HNRNPF: variants seen among roughly 807,000 people sequenced by gnomAD.
HNRNPF encodes HnRNP F protein.
A neutral mutation model predicts 26.0 loss-of-function variants in HNRNPF; 2 were observed. That is an observed-to-expected ratio of 0.08 (90% confidence interval 0.03 to 0.24). HNRNPF has a LOEUF of 0.24. Among genes scored for constraint, HNRNPF ranks in the 10% least tolerant of loss-of-function variants. The probability of loss-of-function intolerance (pLI) is 1.00; values close to 1 mark genes in which losing one functional copy is unlikely to be tolerated. For missense variants in HNRNPF, 299 were observed against 539.2 expected (o/e 0.55, Z 4.41); for synonymous variants, 234 against 211.5 (o/e 1.11, Z -0.92).
At position 43,388,829 on chromosome 10, in the gene HNRNPF, G is replaced by C. The variant is rs79352393; in HGVS notation, c.-52-893C>G. Among the ~76,000 whole-genome samples the C allele has an allele frequency of 4.1e-3, 626 of 152,268 alleles. 3 individuals carry two copies. Among genetic ancestry groups the C allele is most frequent in the African/African-American group, 6.2e-3 (257 of 41,544 alleles). On this transcript the variant is annotated intron_variant, in intron 3 of 3. Transcript: ENST00000682386. ...TGGAAGGCAGTCTTCTGAGAAAGAGGAGCAGCTGACCTAGACAGCAGGGTC... is the reference window on the plus strand; with the variant it reads ...TGGAAGGCAGTCTTCTGAGAAAGAGCAGCAGCTGACCTAGACAGCAGGGTC...
At chr10:43,396,908 G>C (rs1838555595) in intron 1 of HNRNPF, 1 of 148,176 alleles carries the variant, frequency 6.7e-6, no homozygotes, top group Non-Finnish European at 1.5e-5. Context: ...GGGGAGGGGA[G>C]GGGAGGGGAG....
chr10:43,406,600 G>C (rs1838926032), intron 1 of HNRNPF, among the ~76,000 whole-genome samples: 1 of 152,182 alleles, frequency 6.6e-6, no homozygotes, highest in Non-Finnish European at 1.5e-5. Context: ...CGGCTGAGGT[G>C]GGAGGATCCG....
intron 1 of HNRNPF, among the ~76,000 whole-genome samples, chr10:43,401,650 C>T (rs767437145): frequency 1.7e-4 from 26 of 152,164 alleles, no homozygotes; most frequent in Non-Finnish European, 3.7e-4. Flanking sequence ...AACAAAAATA[C>T]AATTGATAGG....
Position 43,386,459 on chromosome 10 carries a change from C to T in HNRNPF, c.*178G>A. On this transcript the variant is annotated 3_prime_UTR_variant, in exon 4 of 4. Coordinates refer to ENST00000682386, the MANE Select transcript of HNRNPF (RefSeq NM_001098204.2). ...AAAATAGTTTTAGTTTACTCATTAT[C>T]ACATGCTAGAAGAAAATTTTGCATG... is the stretch of plus-strand genomic sequence containing the variant. 1.7e-6 allele frequency: 1 copy of T among 589,798 alleles called. No individual in the cohort carries two copies. The highest frequency in any genetic ancestry group is 2.9e-6 in the Non-Finnish European group (1 of 342,560). The allele number at this position is 589,798 out of a possible 1,614,324, so 36.5% of individuals were successfully genotyped here. A position where few individuals can be genotyped will look rare whatever the true frequency, so the allele number is the denominator to read the frequency against.
Position 43,401,343 on chromosome 10 carries a change from T to C in HNRNPF, c.-246-4753A>G, listed in dbSNP as rs567979580. ...AAGCATCAAGAGTAGTATAATGTAATGTTAGATAAATTTTATCTATACTGT... is the reference window on the plus strand; with the variant it reads ...AAGCATCAAGAGTAGTATAATGTAACGTTAGATAAATTTTATCTATACTGT... On this transcript the variant is annotated intron_variant, in intron 1 of 3. Transcript: ENST00000682386. Among the ~76,000 whole-genome samples, 8 of 152,338 alleles carry C rather than the reference T, an allele frequency of 5.3e-5. No homozygotes were observed. The East Asian group carries it at 5.8e-4, about 11-fold the overall frequency.
chr10:43,389,179 C>A (rs150571115), intron 3 of HNRNPF, among the ~76,000 whole-genome samples: 4 of 152,082 alleles, frequency 2.6e-5, no homozygotes, highest in Non-Finnish European at 5.9e-5. Context: ...ACCATGTTGG[C>A]GAGGTTGGTC....
In HNRNPF at chr10:43,386,183, A is replaced by G. The variant is rs1267879662; in HGVS notation, c.*454T>C. The G allele has an allele frequency of 1.3e-5, 2 of 153,584 alleles. No individual in the cohort carries two copies. The highest frequency in any genetic ancestry group is 4.8e-5 in the African/African-American group (2 of 41,476). 9.5% of individuals were successfully genotyped at this position (153,584 alleles called of 1,614,324 possible). On this transcript the variant is annotated 3_prime_UTR_variant, in exon 4 of 4. Transcript: ENST00000682386. ...ATTAGTATTGTGTCTCAATTCTCAA[A>G]ACTAACTTTTAAAAAGCTTAAACTT...
At position 43,387,687 on chromosome 10, in the gene HNRNPF, A is replaced by G. The variant is rs776389589; in HGVS notation, c.198T>C (p.Asp66=). 1.7e-5 allele frequency: 27 copies of G among 1,613,868 alleles called. No individual in the cohort carries two copies. In the South Asian group the frequency reaches 2.3e-4, roughly 14 times the overall value. ...TGTCTTTTTTCAGGGCCATTTTTAC[A>G]TCATCTTCTGATCCAAGTTCAACAA... ...EAFVELGSED[D]VKMALKKDRE... Residue 66 remains aspartate, a synonymous_variant, in exon 4 of 4, where the codon GAT becomes GAC. Transcript: ENST00000682386. The surrounding 1 kb of genome is among the most constrained non-coding windows in gnomAD (Gnocchi z 6.0).
In HNRNPF at chr10:43,387,963, T is replaced by C. The variant is rs149226242; in HGVS notation, c.-52-27A>G. 1.7e-3 allele frequency: 2,134 copies of C among 1,239,734 alleles called. 47 individuals carry two copies. In the Admixed American group the frequency reaches 0.029, roughly 17 times the overall value. 76.8% of individuals were successfully genotyped at this position (1,239,734 alleles called of 1,614,324 possible). On this transcript the variant is annotated intron_variant, in intron 3 of 3. Transcript: ENST00000682386. The surrounding 1 kb of genome is among the most constrained non-coding windows in gnomAD (Gnocchi z 6.0). Reference sequence around the variant, plus strand: ...TGGAAAAAAAAAAAAGAAAAATTTATTTAGTATGCAACAGAAATTTTCCCC... The same window carrying C: ...TGGAAAAAAAAAAAAGAAAAATTTACTTAGTATGCAACAGAAATTTTCCCC...
chr10:43,397,169 C>G (rs2131979922), intron 1 of HNRNPF: 1 of 152,148 alleles, frequency 6.6e-6, no homozygotes, highest in South Asian at 2.1e-4. Flanking sequence ...GCCGGGGCGC[C>G]CGCGCGGCGG....
intron 1 of HNRNPF, among the ~76,000 whole-genome samples, chr10:43,405,658 G>GGA (rs1838892834): frequency 6.9e-6 from 1 of 144,694 alleles, no homozygotes; most frequent in Non-Finnish European, 1.5e-5. Flanking sequence ...TTCCGTCTCG[G>GGA]AAAAAAAAAA....
intron 3 of HNRNPF, 128 bp downstream of exon 3, chr10:43,394,502 C>A (rs1838381543): frequency 6.6e-6 from 1 of 152,172 alleles, no homozygotes; most frequent in South Asian, 2.1e-4. Context: ...CTGAAAAGAG[C>A]CCTGTGGTGT....
intron 1 of HNRNPF, 121 bp from the exon 2 acceptor site, chr10:43,396,711 TC>T (rs1362839645): frequency 6.6e-6 from 1 of 151,640 alleles, no homozygotes; most frequent in East Asian, 2.0e-4. Context: ...ACGGCGACGT[TC>T]CCGCGGCCTG....
chr10:43,398,341 G>GT (rs1266371609), intron 1 of HNRNPF, among the ~76,000 whole-genome samples: 6 of 127,940 alleles, frequency 4.7e-5, no homozygotes, highest in African/African-American at 1.4e-4. Context: ...GTTTGTTGTT[G>GT]TTGTTTTTTT....
At chr10:43,403,593 G>C (rs1838819937) in intron 1 of HNRNPF, among the ~76,000 whole-genome samples, 1 of 152,196 alleles carries the variant, frequency 6.6e-6, no homozygotes, top group South Asian at 2.1e-4. Context: ...AAGTGTAGTT[G>C]ATCATTTCAA....
chr10:43,398,069 C>T (rs1391810127), intron 1 of HNRNPF, among the ~76,000 whole-genome samples: 2 of 152,134 alleles, frequency 1.3e-5, no homozygotes, highest in African/African-American at 2.4e-5. Flanking sequence ...ACTCTGTCAC[C>T]CAGGCTGGAG....
At chr10:43,393,147 T>C (rs1342800507) in intron 3 of HNRNPF, among the ~76,000 whole-genome samples, 2 of 152,266 alleles carry the variant, frequency 1.3e-5, no homozygotes, top group Non-Finnish European at 2.9e-5. Flanking sequence ...TCCTAACACG[T>C]TGAATGGCAG....
chr10:43,405,931 CA>C (rs1404211236), intron 1 of HNRNPF, among the ~76,000 whole-genome samples: 1 of 152,108 alleles, frequency 6.6e-6, no homozygotes, highest in Admixed American at 6.6e-5. Context: ...AGGGCCCTGG[CA>C]GGGGAGGGGT....
intron 2 of HNRNPF, among the ~76,000 whole-genome samples, chr10:43,395,232 A>T (rs1838433467): frequency 6.6e-6 from 1 of 152,218 alleles, no homozygotes. Context: ...ATGGGCAAGG[A>T]GCAAGGGTGC....
Sources: allele counts gnomAD v4.1 joint callset (sites outside exome capture counted in the v4.1 genomes callset), GRCh38; gene constraint gnomAD v4.1.1; non-coding constraint Gnocchi (gnomAD v3.1); transcripts MANE v1.5; gene names NCBI Gene and HGNC (gene_info 2026-07-23, HGNC 2026-07-21).